SLC2A2: variants seen among roughly 807,000 people sequenced by gnomAD.
SLC2A2 encodes the protein solute carrier family 2, facilitated glucose transporter member 2.
In SLC2A2, 36 loss-of-function variants were observed where a neutral mutation model predicts 54.5. The ratio of observed to expected loss-of-function variants is 0.66; its 90% CI spans 0.51 to 0.87. The LOEUF is 0.87. SLC2A2 is among the 40% of genes least tolerant of loss of function. The probability of loss-of-function intolerance (pLI) is 0.00; values close to 1 mark genes in which losing one functional copy is unlikely to be tolerated. For synonymous variants in SLC2A2, 223 were observed against 219.1 expected (o/e 1.02, Z -0.16); for missense variants, 543 against 624.3 (o/e 0.87, Z 1.39).
chr3:171,020,681 G>A (rs774339437), intron 1 of SLC2A2, among the ~76,000 whole-genome samples: 1 of 151,888 alleles, frequency 6.6e-6, no homozygotes, highest in African/African-American at 2.4e-5. Flanking sequence ...CTAAGAGTTC[G>A]AGACCAGCCT....
intron 1 of SLC2A2, among the ~76,000 whole-genome samples, chr3:171,019,095 GTGTATA>G (rs1330673247): frequency 5.4e-4 from 41 of 76,602 alleles, no homozygotes; most frequent in African/African-American, 9.5e-4. Context: ...ATGTGTGTGT[GTGTATA>G]TATATATATA....
At position 171,014,616 on chromosome 3, in the gene SLC2A2, T is replaced by C; in HGVS notation, c.224A>G (p.Asn75Ser). ...CTCAGCCCAAGGGGTTGGTTTTGGG[T>C]TCATTGAGTATGAGATTGTGGGCAG... ...DELPTISYSM[N>S]PKPTPWAEEE... The change falls in exon 3 of 11, where the codon AAC becomes AGC. Residue 75 changes from asparagine to serine, a missense_variant. Transcript: ENST00000314251. 6.2e-7 allele frequency: 1 copy of C among 1,614,168 alleles called. No individual in the cohort carries two copies. The highest frequency in any genetic ancestry group is 1.1e-5 in the South Asian group (1 of 91,078).
intron 1 of SLC2A2, among the ~76,000 whole-genome samples, chr3:171,022,343 A>G (rs1160988183): frequency 1.3e-5 from 2 of 152,246 alleles, no homozygotes; most frequent in Admixed American, 6.5e-5. Context: ...AAGAGCATAC[A>G]TATCCACAGA....
At chr3:171,019,039 A>G (rs1322225190) in intron 1 of SLC2A2, among the ~76,000 whole-genome samples, 4 of 149,688 alleles carry the variant, frequency 2.7e-5, no homozygotes, top group Non-Finnish European at 5.9e-5. Context: ...TTTGTTTTAT[A>G]TATATATATT....
intron 1 of SLC2A2, among the ~76,000 whole-genome samples, chr3:171,019,831 C>T (rs1437377530): frequency 6.6e-6 from 1 of 152,070 alleles, no homozygotes; most frequent in Non-Finnish European, 1.5e-5. Flanking sequence ...TTGATTTGTG[C>T]ATGACGTATA....
chr3:170,998,259 T>G lies in SLC2A2; in HGVS notation c.1308A>C (p.Leu436Phe). 6 of 1,613,830 alleles carry G rather than the reference T, an allele frequency of 3.7e-6. No individual in the cohort carries two copies. The highest frequency in any genetic ancestry group is 5.1e-6 in the Non-Finnish European group (6 of 1,179,804). The change falls in exon 10 of 11, where the codon TTA becomes TTC. Residue 436 changes from leucine to phenylalanine, a missense_variant. Physicochemically the swap from Leu to Phe is conservative, Grantham distance 22 (BLOSUM62 0). Around this residue, in one of 3 missense-constraint regions of SLC2A2, gnomAD observed 108 missense variants for 101.3 expected, o/e 1.07. Coordinates refer to ENST00000314251, the MANE Select transcript of SLC2A2 (RefSeq NM_000340.2). Reference protein sequence around the residue: ...FFSQGPRPAALAIAAFSNWTC... With the variant: ...FFSQGPRPAAFAIAAFSNWTC... ...TCCAATTGCTGAATGCAGCTATTGCTAAAGCAGCAGGACGTGGTCCTTGAC... is the reference window on the plus strand; with the variant it reads ...TCCAATTGCTGAATGCAGCTATTGCGAAAGCAGCAGGACGTGGTCCTTGAC...
In SLC2A2 at chr3:171,005,342, C is replaced by T; in HGVS notation, c.906G>A (p.Gln302=). Reference sequence around the variant, plus strand: ...GCAGCATCAGTGCCACTAGAATAGGCTGTCGGTAGCTGGAATTGGTGAAGA... The same window carrying T: ...GCAGCATCAGTGCCACTAGAATAGGTTGTCGGTAGCTGGAATTGGTGAAGA... ...IQLFTNSSYR[Q]PILVALMLHV... Residue 302 remains glutamine (Q), a synonymous_variant, in exon 7 of 11, where the codon CAG becomes CAA. Coordinates refer to ENST00000314251, the MANE Select transcript of SLC2A2 (RefSeq NM_000340.2). 6.2e-7 allele frequency: 1 copy of T among 1,613,008 alleles called. No individual in the cohort carries two copies. Among genetic ancestry groups the T allele is most frequent in the Non-Finnish European group, 8.5e-7 (1 of 1,179,308 alleles).
chr3:171,018,488 G>T, intron 2 of SLC2A2, 43 bp downstream of exon 2: 1 of 1,334,444 alleles, frequency 7.5e-7, no homozygotes, highest in South Asian at 1.2e-5. Flanking sequence ...ATCTATCACT[G>T]ACAGAACTTG....
intron 4 of SLC2A2, among the ~76,000 whole-genome samples, chr3:171,008,583 T>G (rs1444373219): frequency 1.3e-5 from 2 of 152,108 alleles, no homozygotes; most frequent in African/African-American, 4.8e-5. Flanking sequence ...ACTTAGAGGT[T>G]GTTTTACAAT....
chr3:171,005,584 G>C, intron 6 of SLC2A2, 112 bp from the exon 7 acceptor site: 1 of 814,378 alleles, frequency 1.2e-6, no homozygotes, highest in Non-Finnish European at 2.0e-6. Flanking sequence ...TTACTTAATA[G>C]CATGGGTGTT....
chr3:171,006,692 G>T lies in SLC2A2; in HGVS notation c.612+456C>A, dbSNP rs577238034. Among the ~76,000 whole-genome samples, 13 of 152,112 alleles carry T rather than the reference G, an allele frequency of 8.5e-5. No individual in the cohort carries two copies. In the East Asian group the frequency reaches 2.1e-3, roughly 25 times the overall value. ...TTTGACACCATAGGGTAGAAGGGAAGGATAGACTCAGCTGAACAGGAGTTC... is the reference window on the plus strand; with the variant it reads ...TTTGACACCATAGGGTAGAAGGGAATGATAGACTCAGCTGAACAGGAGTTC... On this transcript the variant is annotated intron_variant, in intron 5 of 10. Coordinates refer to ENST00000314251, the MANE Select transcript of SLC2A2 (RefSeq NM_000340.2).
chr3:171,004,499 A>G (rs1576828220), intron 7 of SLC2A2, among the ~76,000 whole-genome samples: 1 of 151,510 alleles, frequency 6.6e-6, no homozygotes, highest in East Asian at 1.9e-4. Context: ...TCTCTCAATC[A>G]CCCACAAAGT....
intron 1 of SLC2A2, among the ~76,000 whole-genome samples, chr3:171,020,711 T>C: frequency 6.6e-6 from 1 of 151,556 alleles, no homozygotes; most frequent in East Asian, 1.9e-4. Context: ...AGCAAGACCT[T>C]GTCTCTACAA....
chr3:171,025,230 A>G (rs938797108), intron 1 of SLC2A2, among the ~76,000 whole-genome samples: 15 of 151,646 alleles, frequency 9.9e-5, no homozygotes, highest in Non-Finnish European at 1.5e-4. Flanking sequence ...TAAATGCTAT[A>G]TAAATAGCAT....
At chr3:171,019,386 G>A (rs947796650) in intron 1 of SLC2A2, among the ~76,000 whole-genome samples, 6 of 151,638 alleles carry the variant, frequency 4.0e-5, no homozygotes, top group African/African-American at 1.5e-4. Context: ...TACTTTTCAG[G>A]ATTTGCATCT....
chr3:171,020,497 A>C (rs1417473621), intron 1 of SLC2A2, among the ~76,000 whole-genome samples: 1 of 152,150 alleles, frequency 6.6e-6, no homozygotes, highest in Non-Finnish European at 1.5e-5. Context: ...AAGGACTTCA[A>C]AGTTGACCCA....
At chr3:170,999,537 G>C (rs546882452) in intron 8 of SLC2A2, among the ~76,000 whole-genome samples, 1 of 152,188 alleles carries the variant, frequency 6.6e-6, no homozygotes, top group East Asian at 1.9e-4. Flanking sequence ...TTTAAAATTT[G>C]AAGGTTCCAC....
intron 1 of SLC2A2, among the ~76,000 whole-genome samples, 156 bp from the exon 2 acceptor site, chr3:171,018,779 T>C (rs966435893): frequency 1.3e-5 from 2 of 152,066 alleles, no homozygotes; most frequent in African/African-American, 4.8e-5. Context: ...GGCTGGCAGG[T>C]GTTGTTCATA....
At chr3:171,026,567 A>G (rs1451400219) in intron 1 of SLC2A2, 89 bp downstream of exon 1, 8 of 1,094,504 alleles carry the variant, frequency 7.3e-6, no homozygotes, top group East Asian at 4.7e-5. Flanking sequence ...GCTACACCCA[A>G]CCTCCCCCAA....
Sources: gnomAD v4.1 joint callset for allele counts (sites outside exome capture counted in the v4.1 genomes callset) on GRCh38, gnomAD v4.1.1 for gene constraint, gnomAD v4.1.1 regional missense constraint, MANE v1.5 for transcripts, NCBI Gene and HGNC (gene_info 2026-07-23, HGNC 2026-07-21) for gene names.